WDR74: variants seen among roughly 807,000 people sequenced by gnomAD.
WDR74 encodes the protein WD repeat domain 74, also known as WD repeat-containing protein 74.
WDR74 carries 31 observed loss-of-function variants against 45.6 expected under a neutral mutation model. That is an observed-to-expected ratio of 0.68 (90% CI 0.51 to 0.92). The LOEUF (loss-of-function observed/expected upper bound fraction) is 0.92, where lower values mean the gene tolerates loss of function less well. Among genes scored for constraint, WDR74 ranks in the 40% least tolerant of loss-of-function variants. WDR74 has a pLI of 0.00. For missense variants in WDR74, 455 were observed against 497.2 expected, an observed-to-expected ratio of 0.92 and a Z score of 0.81; for synonymous variants, 191 against 192.4, an observed-to-expected ratio of 0.99 and a Z score of 0.06.
At chr11:62,841,602 T>C (rs759558187), upstream of WDR74, 27 of 152,136 alleles carry the variant, frequency 1.8e-4, no homozygotes, top group Admixed American at 1.0e-3. Flanking sequence ...TAAACAACGG[T>C]TGTTCTCTCC....
intron 8 of WDR74, 109 bp downstream of exon 8, chr11:62,834,167 A>G (rs1431426664): frequency 6.5e-7 from 1 of 1,537,562 alleles, no homozygotes; most frequent in African/African-American, 1.4e-5. Context: ...AAACCCAGGC[A>G]ATCTGGCACC....
rs541396151 is a variant in WDR74 at position 62,835,781 on chromosome 11, G to A, written c.430C>T (p.His144Tyr). Reference protein sequence around the residue: ...CRMRQDPAHPHVVATGGKENA... With the variant: ...CRMRQDPAHPYVVATGGKENA... Reference sequence around the variant, plus strand: ...TCTTTCCCACCTGTGGCAACCACATGGGGGTGTGCTGGGTCTTGGCGCATC... The same window carrying A: ...TCTTTCCCACCTGTGGCAACCACATAGGGGTGTGCTGGGTCTTGGCGCATC... Residue 144 changes from histidine (H) to tyrosine (Y), a missense_variant, in exon 5 of 11, where the codon CAT becomes TAT. Physicochemically the swap from His to Tyr is moderately conservative, Grantham distance 83. Transcript: ENST00000278856. 6.2e-7 allele frequency: 1 copy of A among 1,613,790 alleles called. No individual in the cohort carries two copies. Among genetic ancestry groups the A allele is most frequent in the African/African-American group, 1.3e-5 (1 of 75,004 alleles).
chr11:62,835,297 T>A (rs2084941539), intron 6 of WDR74, 134 bp downstream of exon 6: 2 of 754,074 alleles, frequency 2.7e-6, no homozygotes, highest in Non-Finnish European at 2.2e-6. Context: ...AGGGACAGGG[T>A]TGGAACAGAC....
chr11:62,840,871 G>C (rs1176822148), upstream of WDR74, among the ~76,000 whole-genome samples: 1 of 152,096 alleles, frequency 6.6e-6, no homozygotes, highest in South Asian at 2.1e-4. Context: ...CCCCGAGCGC[G>C]ACCTAGGTTT....
Position 62,836,836 on chromosome 11 carries a change from G to C in WDR74, c.294-800C>G, listed in dbSNP as rs987752129. Among the ~76,000 whole-genome samples the C allele has an allele frequency of 9.2e-5, 14 of 152,334 alleles. 1 individual carries two copies. In the South Asian group the frequency reaches 2.9e-3, roughly 32 times the overall value. On this transcript the variant is annotated intron_variant, in intron 3 of 10. Coordinates refer to ENST00000278856, the MANE Select transcript of WDR74 (RefSeq NM_001369450.1). Reference sequence around the variant, plus strand: ...GCCTATAATCCCAGCACTTTGGGAGGCCAAGGCAGGCAGATCACCTGAGGT... The same window carrying C: ...GCCTATAATCCCAGCACTTTGGGAGCCCAAGGCAGGCAGATCACCTGAGGT...
At chr11:62,841,468 C>A (rs182209757), upstream of WDR74, 1 of 152,146 alleles carries the variant, frequency 6.6e-6, no homozygotes, top group African/African-American at 2.4e-5. Context: ...AAAACAAAAC[C>A]TTCTCTCAAC....
At chr11:62,836,873 G>A (rs1590988047) in intron 3 of WDR74, among the ~76,000 whole-genome samples, 2 of 152,216 alleles carry the variant, frequency 1.3e-5, no homozygotes, top group African/African-American at 4.8e-5. Flanking sequence ...AGGAGTTCCA[G>A]ACCAGCCTGG....
chr11:62,834,832 T>C (rs961798128), intron 6 of WDR74: 1 of 388,816 alleles, frequency 2.6e-6, no homozygotes, highest in Non-Finnish European at 4.7e-6. Context: ...TAGTAGTCAG[T>C]AGGTGCTAAA....
intron 3 of WDR74, among the ~76,000 whole-genome samples, chr11:62,838,586 C>T (rs978788784): frequency 4.0e-5 from 6 of 151,744 alleles, no homozygotes; most frequent in African/African-American, 1.5e-4. Context: ...CGGTGAAACC[C>T]CGTCTCTACT....
Position 62,835,832 on chromosome 11 carries a change from G to T in WDR74, c.379C>A (p.Leu127Met), listed in dbSNP as rs2084951270. 2 of 1,611,118 alleles carry T rather than the reference G, an allele frequency of 1.2e-6. No homozygotes were observed. Among genetic ancestry groups the T allele is most frequent in the Non-Finnish European group, 1.7e-6 (2 of 1,178,624 alleles). Residue 127 changes from leucine to methionine, a missense_variant, in exon 5 of 11, where the codon CTG becomes ATG. Physicochemically the swap from Leu to Met is conservative, Grantham distance 15. Coordinates refer to ENST00000278856, the MANE Select transcript of WDR74 (RefSeq NM_001369450.1). ...KDTSSDPLLE[L>M]RVGPGVCRMR... ...CTACACACCCCAGGGCCCACTCTCA[G>T]TTCCAGGAGCTGTAAAGAATAGGAG...
At position 62,834,497 on chromosome 11, in the gene WDR74, G is replaced by C; in HGVS notation, c.649C>G (p.Arg217Gly). 1.2e-6 allele frequency: 2 copies of C among 1,611,128 alleles called. No individual in the cohort carries two copies. The highest frequency in any genetic ancestry group is 1.7e-6 in the Non-Finnish European group (2 of 1,179,570). Residue 217 changes from arginine (R) to glycine (G), a missense_variant, in exon 7 of 11, where the codon CGC becomes GGC. Arg to Gly is a moderately radical substitution (Grantham distance 125). Transcript: ENST00000278856. Reference sequence around the variant, plus strand: ...TAGGTGGTCTCTAGGACTGGCCGGCGCTGGGGGGATGCTGGATCATAAACA... The same window carrying C: ...TAGGTGGTCTCTAGGACTGGCCGGCCCTGGGGGGATGCTGGATCATAAACA... ...VRVYDPASPQ[R>G]RPVLETTYGE...
At position 62,835,602 on chromosome 11, in the gene WDR74, C is replaced by T. The variant is rs147775856; in HGVS notation, c.517-70G>A. ...TGTGCCCCTGTTTTCAGCCCTCCTT[C>T]GCCCCCTAAGTCCATCTAGTCTCTA... On this transcript the variant is annotated intron_variant, in intron 5 of 10. Transcript: ENST00000278856. The T allele has an allele frequency of 2.8e-4, 445 of 1,612,998 alleles. 2 individuals carry two copies. In the African/African-American group the frequency reaches 5.3e-3, roughly 19 times the overall value.
In WDR74 at chr11:62,835,234, G is replaced by A; in HGVS notation, c.618+197C>T. On this transcript the variant is annotated intron_variant, in intron 6 of 10. Transcript: ENST00000278856. ...TCTCTTCCAGGTGGGAGGAAAACAG[G>A]CATAGTTCAGGAAACTCCACCCTAG... 5.1e-6 allele frequency: 3 copies of A among 582,854 alleles called. No homozygotes were observed. The South Asian group carries it at 6.3e-5, about 12-fold the overall frequency. The allele number at this position is 582,854 out of a possible 1,614,324, so 36.1% of individuals were successfully genotyped here. A position where few individuals can be genotyped will look rare whatever the true frequency, so the allele number is the denominator to read the frequency against.
upstream of WDR74, chr11:62,839,732 G>A: frequency 1.2e-6 from 1 of 843,410 alleles, no homozygotes; most frequent in Non-Finnish European, 1.8e-6. Flanking sequence ...ACCAGGAGGT[G>A]CTTGTTTATG....
At chr11:62,838,583 AC>A (rs952781354) in intron 3 of WDR74, among the ~76,000 whole-genome samples, 1 of 150,200 alleles carries the variant, frequency 6.7e-6, no homozygotes, top group Non-Finnish European at 1.5e-5. Context: ...ATACGGTGAA[AC>A]CCCGTCTCTA....
intron 3 of WDR74, 88 bp from the exon 4 acceptor site, chr11:62,836,124 A>G (rs1307034575): frequency 7.6e-7 from 1 of 1,321,144 alleles, no homozygotes; most frequent in Non-Finnish European, 1.1e-6. Flanking sequence ...ACAGTTGACT[A>G]ATGTTTAAAG....
upstream of WDR74, among the ~76,000 whole-genome samples, chr11:62,841,396 G>T (rs534798040): frequency 6.6e-6 from 1 of 151,722 alleles, no homozygotes; most frequent in East Asian, 2.0e-4. Flanking sequence ...AACTACCCCA[G>T]AGGCTGAAGT....
chr11:62,841,384 C>A (rs941728786), upstream of WDR74, among the ~76,000 whole-genome samples: 1 of 151,948 alleles, frequency 6.6e-6, no homozygotes, highest in African/African-American at 2.4e-5. Flanking sequence ...CTCAATAGTT[C>A]CAACTACCCC....
At chr11:62,841,645 T>G (rs1031761179), upstream of WDR74, 1 of 152,264 alleles carries the variant, frequency 6.6e-6, no homozygotes. Context: ...CTGGAAGTAC[T>G]GCAATACCAG....
Sources: gnomAD v4.1 joint callset for allele counts (sites outside exome capture counted in the v4.1 genomes callset) on GRCh38, gnomAD v4.1.1 for gene constraint, MANE v1.5 for transcripts, NCBI Gene and HGNC (gene_info 2026-07-23, HGNC 2026-07-21) for gene names.